Variants in GRIN2A observed in about 807,000 individuals in gnomAD.
GRIN2A encodes the protein glutamate receptor ionotropic, NMDA 2A.
In GRIN2A, 22 loss-of-function variants were observed where a neutral mutation model predicts 113.4. The observed-to-expected ratio is 0.19, with a 90% CI of 0.14 to 0.28. GRIN2A has a LOEUF of 0.28. Among genes scored for constraint, GRIN2A ranks in the 10% least tolerant of loss-of-function variants. The pLI, the probability that GRIN2A is intolerant of heterozygous loss-of-function variation, is 1.00. For synonymous variants in GRIN2A, 827 were observed against 738.4 expected (o/e 1.12, Z -1.94); for missense variants, 1,502 against 1,887.0 (o/e 0.80, Z 3.78).
At chr16:9,927,167 G>T (rs556728353) in intron 3 of GRIN2A, among the ~76,000 whole-genome samples, 37 of 152,250 alleles carry the variant, frequency 2.4e-4, no homozygotes, top group African/African-American at 8.9e-4. Flanking sequence ...ATTGTTAACA[G>T]AACTCAAATT....
intron 10 of GRIN2A, among the ~76,000 whole-genome samples, chr16:9,807,458 A>T (rs1383965939): frequency 6.6e-6 from 1 of 151,698 alleles, no homozygotes; most frequent in Non-Finnish European, 1.5e-5. Context: ...AGAGAGAGAA[A>T]GAGAAAGAAT....
intron 2 of GRIN2A, among the ~76,000 whole-genome samples, chr16:10,161,371 G>A (rs968217749): frequency 6.6e-6 from 1 of 152,080 alleles, no homozygotes; most frequent in Non-Finnish European, 1.5e-5. Flanking sequence ...CCCAGTCTTG[G>A]GTACGTCTTC....
rs2142391435 is a variant in GRIN2A, at chr16:10,180,384, G to A, written c.28C>T (p.Leu10=). 6.2e-7 allele frequency: 1 copy of A among 1,607,516 alleles called. No homozygotes were observed. Among genetic ancestry groups the A allele is most frequent in the Non-Finnish European group, 8.5e-7 (1 of 1,179,862 alleles). The change falls in exon 2 of 13, where the codon CTG becomes TTG. Residue 10 remains leucine (L), a synonymous_variant. Coordinates refer to ENST00000330684, the MANE Select transcript of GRIN2A (RefSeq NM_001134407.3). The surrounding 1 kb of genome is among the most constrained non-coding windows in gnomAD (Gnocchi z 7.0). ...CAGACCAGAAGGGCCGGCAGCACCA[G>A]CAGGGTCCAATAGCCCACTCTGCCC... is the stretch of plus-strand genomic sequence containing the variant. MGRVGYWTL[L]VLPALLVWRG... is the part of the protein sequence containing the mutation.
intron 2 of GRIN2A, among the ~76,000 whole-genome samples, chr16:10,129,720 T>C (rs1046915561): frequency 2.6e-5 from 4 of 152,214 alleles, no homozygotes; most frequent in Non-Finnish European, 5.9e-5. Context: ...AGCAAGCAAT[T>C]GATTTTAATT....
At chr16:10,120,965 C>T (rs1000984860) in intron 2 of GRIN2A, among the ~76,000 whole-genome samples, 24 of 152,146 alleles carry the variant, frequency 1.6e-4, no homozygotes, top group African/African-American at 5.1e-4. Context: ...CCTGTATCCA[C>T]GATGCTAACT....
intron 2 of GRIN2A, among the ~76,000 whole-genome samples, chr16:10,012,605 C>T (rs907631871): frequency 6.6e-6 from 1 of 152,180 alleles, no homozygotes; most frequent in Non-Finnish European, 1.5e-5. Context: ...AATATGTTAC[C>T]TTACATGGCA....
chr16:10,134,214 AAAAT>A lies in GRIN2A; in HGVS notation c.414+45780_414+45783del, dbSNP rs779549360. Reference sequence around the variant, plus strand: ...TTTCCAGAAAAAAAAAAAAAAAAAAAAAATGGAGAGGAGAGATTCAGTTAGGCAA... The same window carrying A: ...TTTCCAGAAAAAAAAAAAAAAAAAAAGGAGAGGAGAGATTCAGTTAGGCAA... On this transcript the variant is annotated intron_variant, in intron 2 of 12. Coordinates refer to ENST00000330684, the MANE Select transcript of GRIN2A (RefSeq NM_001134407.3). Among the ~76,000 whole-genome samples the A allele has an allele frequency of 4.4e-3, 598 of 136,456 alleles. 14 individuals carry two copies. The highest frequency in any genetic ancestry group is 0.012 in the African/African-American group (428 of 37,080). The allele number at this position is 136,456 out of a possible 152,430, so 89.5% of individuals were successfully genotyped here.
chr16:9,822,450 G>C (rs1596464992), intron 9 of GRIN2A, 26 bp from the exon 10 acceptor site: 4 of 1,476,880 alleles, frequency 2.7e-6, no homozygotes, highest in Non-Finnish European at 3.8e-6. Context: ...GAAAGGAAGA[G>C]AGAGAGTAGG....
Position 9,806,775 on chromosome 16 carries a change from GA to G in GRIN2A, c.2169-8312del, listed in dbSNP as rs901896308. On this transcript the variant is annotated intron_variant, in intron 10 of 12. Transcript: ENST00000330684. ...CAAGAAACTAAGAGAAAAAAGGGGG[GA>G]AAGAAAGAGAGAAAAAGAGGATAGA... Among the ~76,000 whole-genome samples, 4 of 152,088 alleles carry G rather than the reference GA, an allele frequency of 2.6e-5. No individual in the cohort carries two copies. The East Asian group carries it at 5.8e-4, about 22-fold the overall frequency.
At chr16:10,079,696 C>A (rs576210893) in intron 2 of GRIN2A, among the ~76,000 whole-genome samples, 1 of 152,262 alleles carries the variant, frequency 6.6e-6, no homozygotes, top group East Asian at 1.9e-4. Flanking sequence ...GTGCCTTGAC[C>A]CTGGACTTAA....
chr16:9,803,231 C>A (rs2041900450), intron 10 of GRIN2A, among the ~76,000 whole-genome samples: 1 of 151,966 alleles, frequency 6.6e-6, no homozygotes. Context: ...ATGGAGAAAC[C>A]CCGTCTCTAC....
chr16:10,096,250 T>A (rs1320019742), intron 2 of GRIN2A, among the ~76,000 whole-genome samples: 1 of 152,102 alleles, frequency 6.6e-6, no homozygotes, highest in Non-Finnish European at 1.5e-5. Context: ...ACTCAGAGGA[T>A]AGTGACATTC....
chr16:10,086,956 T>C (rs1297176223), intron 2 of GRIN2A, among the ~76,000 whole-genome samples: 1 of 152,222 alleles, frequency 6.6e-6, no homozygotes, highest in Non-Finnish European at 1.5e-5. Context: ...CATGGTTTTC[T>C]CTTGAGCATG....
chr16:9,766,576 G>A (rs1177965201), intron 12 of GRIN2A, among the ~76,000 whole-genome samples: 1 of 152,084 alleles, frequency 6.6e-6, no homozygotes, highest in Non-Finnish European at 1.5e-5. Context: ...TATAATGTGT[G>A]GTTGGCTGTT....
At chr16:9,942,006 A>G (rs753997455) in intron 2 of GRIN2A, among the ~76,000 whole-genome samples, 2 of 152,088 alleles carry the variant, frequency 1.3e-5, no homozygotes, top group Non-Finnish European at 2.9e-5. Context: ...GTGCTTCCTC[A>G]TTAAGTTGTA....
intron 2 of GRIN2A, among the ~76,000 whole-genome samples, chr16:10,091,178 G>A (rs1486919326): frequency 6.6e-6 from 1 of 152,162 alleles, no homozygotes; most frequent in Non-Finnish European, 1.5e-5. Flanking sequence ...ATATGGCCCA[G>A]CAATTCCACT....
At chr16:10,066,207 G>A (rs144700448) in intron 2 of GRIN2A, among the ~76,000 whole-genome samples, 4 of 152,222 alleles carry the variant, frequency 2.6e-5, no homozygotes, top group Admixed American at 6.5e-5. Flanking sequence ...TTTGGGATGC[G>A]TCTTCCTCTC....
chr16:10,134,349 G>T (rs574054974), intron 2 of GRIN2A, among the ~76,000 whole-genome samples: 2 of 152,124 alleles, frequency 1.3e-5, no homozygotes, highest in Non-Finnish European at 1.5e-5. Context: ...GGTAATATGT[G>T]TTTCCAGCCT....
intron 2 of GRIN2A, among the ~76,000 whole-genome samples, chr16:9,964,071 G>C (rs757500054): frequency 2.0e-5 from 3 of 152,156 alleles, no homozygotes; most frequent in Non-Finnish European, 4.4e-5. Context: ...AATTTGGAGA[G>C]GGCTCCCAAG....
Sources: gnomAD v4.1 joint callset for allele counts (sites outside exome capture counted in the v4.1 genomes callset) on GRCh38, gnomAD v4.1.1 for gene constraint, Gnocchi (gnomAD v3.1) non-coding constraint, MANE v1.5 for transcripts, NCBI Gene and HGNC (gene_info 2026-07-23, HGNC 2026-07-21) for gene names.